Variants in HS3ST4 observed in about 807,000 individuals in gnomAD.
HS3ST4 encodes the protein heparan sulfate-glucosamine 3-sulfotransferase 4, also known as heparan sulfate glucosamine 3-O-sulfotransferase 4.
Under a neutral mutation model 29.2 loss-of-function variants are expected in HS3ST4, and 17 were observed. The ratio of observed to expected loss-of-function variants is 0.58; its 90% confidence interval spans 0.40 to 0.87. The LOEUF (loss-of-function observed/expected upper bound fraction) is 0.87, where lower values mean the gene tolerates loss of function less well. HS3ST4 is among the 40% of genes least tolerant of loss of function. The probability of loss-of-function intolerance (pLI) is 0.00; values close to 1 mark genes in which losing one functional copy is unlikely to be tolerated. For missense variants in HS3ST4, 627 were observed against 634.5 expected (o/e 0.99, Z 0.13); for synonymous variants, 314 against 285.7 (o/e 1.10, Z -1.00).
At chr16:26,111,391 CT>C (rs34710649) in intron 1 of HS3ST4, among the ~76,000 whole-genome samples, 98,785 of 147,076 alleles carry the variant, frequency 0.67, 33,214 homozygotes, top group Middle Eastern at 0.73. Context: ...AGAAGGAGGT[CT>C]TTTTTTTTTT....
intron 1 of HS3ST4, among the ~76,000 whole-genome samples, chr16:26,124,956 G>A (rs552082189): frequency 1.3e-5 from 2 of 152,198 alleles, no homozygotes; most frequent in Admixed American, 6.5e-5. Context: ...CATAAAGTTT[G>A]AGGAACTTGC....
intron 1 of HS3ST4, among the ~76,000 whole-genome samples, chr16:25,971,647 A>G (rs111735127): frequency 0.088 from 13,370 of 152,180 alleles, 775 homozygotes; most frequent in Non-Finnish European, 0.12. Context: ...GATTCTGGGC[A>G]GGGCGTGGTG....
chr16:26,098,802 C>G (rs1898958871), intron 1 of HS3ST4, among the ~76,000 whole-genome samples: 1 of 151,300 alleles, frequency 6.6e-6, no homozygotes, highest in Non-Finnish European at 1.5e-5. Flanking sequence ...ATATGCTGTG[C>G]AGGGGGGTAG....
At chr16:25,843,212 CAT>C (rs1283376829) in intron 1 of HS3ST4, among the ~76,000 whole-genome samples, 3 of 152,224 alleles carry the variant, frequency 2.0e-5, no homozygotes, top group African/African-American at 7.2e-5. Context: ...GGGTAGTTCT[CAT>C]GTGTAGTCTC....
At chr16:25,837,004 G>A (rs1360675650) in intron 1 of HS3ST4, among the ~76,000 whole-genome samples, 1 of 152,148 alleles carries the variant, frequency 6.6e-6, no homozygotes, top group Non-Finnish European at 1.5e-5. Flanking sequence ...TCTTCTCTTG[G>A]GACTCATTTT....
intron 1 of HS3ST4, among the ~76,000 whole-genome samples, chr16:25,712,870 A>T (rs1054441158): frequency 3.9e-5 from 6 of 152,112 alleles, no homozygotes; most frequent in Admixed American, 1.3e-4. Context: ...TGGAAGCTGG[A>T]AGTCTGAGAT....
At chr16:25,967,243 T>A (rs998499465) in intron 1 of HS3ST4, among the ~76,000 whole-genome samples, 16 of 152,194 alleles carry the variant, frequency 1.1e-4, no homozygotes, top group Non-Finnish European at 1.9e-4. Context: ...AACGTCCACC[T>A]CCTGGGTGCA....
chr16:26,045,220 G>A (rs955379221), intron 1 of HS3ST4, among the ~76,000 whole-genome samples: 1 of 152,056 alleles, frequency 6.6e-6, no homozygotes, highest in Non-Finnish European at 1.5e-5. Context: ...AGAAAGGCAG[G>A]GGGTAGCATC....
intron 1 of HS3ST4, among the ~76,000 whole-genome samples, chr16:26,016,233 A>G (rs1567294256): frequency 1.3e-5 from 2 of 152,204 alleles, no homozygotes; most frequent in Non-Finnish European, 2.9e-5. Flanking sequence ...AAAGTATCCA[A>G]TAATCTGCTT....
intron 1 of HS3ST4, among the ~76,000 whole-genome samples, chr16:26,134,360 T>TC (rs1898251867): frequency 2.5e-5 from 3 of 121,282 alleles, no homozygotes; most frequent in Admixed American, 8.4e-5. Flanking sequence ...TTCTTTTCTT[T>TC]TCTTTTTTTT....
chr16:25,743,222 G>C (rs1966666091), intron 1 of HS3ST4, among the ~76,000 whole-genome samples: 1 of 152,184 alleles, frequency 6.6e-6, no homozygotes, highest in Non-Finnish European at 1.5e-5. Flanking sequence ...AATCTTGGCT[G>C]TGCATGCATC....
intron 1 of HS3ST4, among the ~76,000 whole-genome samples, chr16:26,038,337 C>T (rs1485441499): frequency 6.6e-6 from 1 of 151,416 alleles, no homozygotes; most frequent in Non-Finnish European, 1.5e-5. Context: ...ATTATTGTCC[C>T]CAATAACACT....
At chr16:25,999,405 T>G (rs1433590623) in intron 1 of HS3ST4, among the ~76,000 whole-genome samples, 3 of 152,162 alleles carry the variant, frequency 2.0e-5, no homozygotes, top group Non-Finnish European at 4.4e-5. Flanking sequence ...TTCATTTCAA[T>G]GTTACACATT....
intron 1 of HS3ST4, among the ~76,000 whole-genome samples, chr16:25,969,367 C>T (rs113864170): frequency 0.087 from 13,305 of 152,236 alleles, 774 homozygotes; most frequent in Non-Finnish European, 0.12. Flanking sequence ...ATCCTGGCCA[C>T]GTTGAGGATT....
At chr16:25,819,878 G>A (rs1967130013) in intron 1 of HS3ST4, among the ~76,000 whole-genome samples, 1 of 151,292 alleles carries the variant, frequency 6.6e-6, no homozygotes, top group African/African-American at 2.4e-5. Flanking sequence ...GGGAATGGTG[G>A]TGGGCGCCTG....
At chr16:25,994,158 C>T (rs1969139509) in intron 1 of HS3ST4, among the ~76,000 whole-genome samples, 1 of 152,118 alleles carries the variant, frequency 6.6e-6, no homozygotes, top group Non-Finnish European at 1.5e-5. Flanking sequence ...GGGGCTAGGG[C>T]TTCAAATTTG....
chr16:26,029,451 C>T (rs1342400084), intron 1 of HS3ST4, among the ~76,000 whole-genome samples: 10 of 151,570 alleles, frequency 6.6e-5, no homozygotes, highest in Non-Finnish European at 8.8e-5. Context: ...CTCACTCTGT[C>T]GCCCAGGCTG....
intron 1 of HS3ST4, among the ~76,000 whole-genome samples, chr16:25,902,325 C>G (rs1321922960): frequency 6.6e-6 from 1 of 151,952 alleles, no homozygotes; most frequent in Non-Finnish European, 1.5e-5. Context: ...GAGACCCCGT[C>G]TCTACCAAAA....
At chr16:25,837,958 C>T (rs149308339) in intron 1 of HS3ST4, among the ~76,000 whole-genome samples, 2 of 151,978 alleles carry the variant, frequency 1.3e-5, no homozygotes, top group South Asian at 2.1e-4. Context: ...TCTTGTAGTC[C>T]GCAGTGTCTA....
Sources: allele counts gnomAD v4.1 joint callset (sites outside exome capture counted in the v4.1 genomes callset), GRCh38; gene constraint gnomAD v4.1.1; transcripts MANE v1.5; gene names NCBI Gene and HGNC (gene_info 2026-07-23, HGNC 2026-07-21).